ZNF83: variants seen among roughly 807,000 people sequenced by gnomAD.
ZNF83 encodes the protein zinc finger protein 83, also known as zinc finger protein 816B.
For synonymous variants in ZNF83, 209 were observed against 213.0 expected, an observed-to-expected ratio of 0.98 and a Z score of 0.17; for missense variants, 552 against 629.9, an observed-to-expected ratio of 0.88 and a Z score of 1.32.
At chr19:52,630,354 T>C (rs1259505266) in intron 2 of ZNF83, among the ~76,000 whole-genome samples, 1 of 152,186 alleles carries the variant, frequency 6.6e-6, no homozygotes, top group East Asian at 1.9e-4. Context: ...ATACGGAGGC[T>C]ACCCACTCCA....
intron 1 of ZNF83, among the ~76,000 whole-genome samples, chr19:52,684,905 A>G (rs1403223445): frequency 6.6e-6 from 1 of 152,070 alleles, no homozygotes; most frequent in Non-Finnish European, 1.5e-5. Context: ...CACAGTGAGG[A>G]GTTGGGCTTT....
At chr19:52,654,358 C>A in intron 3 of ZNF83, 1 of 1,299,434 alleles carries the variant, frequency 7.7e-7, no homozygotes, top group South Asian at 1.4e-5. Flanking sequence ...TCCTGTATTA[C>A]CGTGCCCTGT....
chr19:52,614,006 T>G (rs990843476), exon 3 of ZNF83: 3 of 1,613,356 alleles, frequency 1.9e-6, no homozygotes, highest in Middle Eastern at 1.7e-4. Flanking sequence ...GAAATTTGAT[T>G]AAAGACCTTG....
chr19:52,646,421 T>G (rs2061373191), intron 3 of ZNF83, among the ~76,000 whole-genome samples: 1 of 152,148 alleles, frequency 6.6e-6, no homozygotes, highest in South Asian at 2.1e-4. Flanking sequence ...TGGTGGCTCA[T>G]GCCTGTGGTC....
intron 2 of ZNF83, among the ~76,000 whole-genome samples, chr19:52,659,180 C>G (rs1056020095): frequency 1.3e-5 from 2 of 151,964 alleles, no homozygotes; most frequent in Admixed American, 6.6e-5. Flanking sequence ...ACAGACCCCC[C>G]ACAGTTCAAG....
At chr19:52,673,985 CA>C (rs1480107941) in intron 1 of ZNF83, among the ~76,000 whole-genome samples, 29 of 131,724 alleles carry the variant, frequency 2.2e-4, no homozygotes, top group Admixed American at 2.7e-4. Context: ...CACTGCCCTG[CA>C]GCCTGGGTAA....
chr19:52,638,899 G>A (rs917002342), upstream of ZNF83, among the ~76,000 whole-genome samples: 2 of 152,162 alleles, frequency 1.3e-5, no homozygotes, highest in African/African-American at 4.8e-5. Flanking sequence ...GCAGCGGCGG[G>A]AGGATCGCCG....
chr19:52,645,560 A>G (rs767299563), intron 3 of ZNF83, among the ~76,000 whole-genome samples: 6 of 152,132 alleles, frequency 3.9e-5, no homozygotes, highest in Non-Finnish European at 7.4e-5. Context: ...TAATCCCAGC[A>G]CTCTGGGAGG....
intron 2 of ZNF83, among the ~76,000 whole-genome samples, chr19:52,615,920 C>T (rs1241726517): frequency 1.3e-5 from 2 of 152,196 alleles, no homozygotes; most frequent in Non-Finnish European, 2.9e-5. Flanking sequence ...CTCGCTGCAA[C>T]CTCCGCCACA....
At chr19:52,661,265 A>G (rs1158020033) in intron 1 of ZNF83, among the ~76,000 whole-genome samples, 4 of 152,200 alleles carry the variant, frequency 2.6e-5, no homozygotes, top group Non-Finnish European at 5.9e-5. Flanking sequence ...CCACTGCACC[A>G]GAGATCATGC....
At chr19:52,680,762 G>C (rs532915056) in intron 1 of ZNF83, among the ~76,000 whole-genome samples, 1 of 143,802 alleles carries the variant, frequency 7.0e-6, no homozygotes, top group Non-Finnish European at 1.5e-5. Flanking sequence ...ACAGGCGCCC[G>C]CCACTACGCC....
chr19:52,636,953 CA>C (rs2061168524), intron 1 of ZNF83: 1 of 152,512 alleles, frequency 6.6e-6, no homozygotes, highest in Admixed American at 6.6e-5. Context: ...CCACTGCGCC[CA>C]GCCCATCTTT....
chr19:52,662,433 T>TG (rs1185634200), intron 1 of ZNF83, among the ~76,000 whole-genome samples: 3 of 152,068 alleles, frequency 2.0e-5, no homozygotes, highest in African/African-American at 7.2e-5. Context: ...GTAGGGAACA[T>TG]GGAGTCGTGT....
chr19:52,644,044 C>T (rs575737878), intron 3 of ZNF83, among the ~76,000 whole-genome samples: 22 of 152,188 alleles, frequency 1.4e-4, no homozygotes, highest in South Asian at 8.3e-4. Flanking sequence ...CTGGGGAACA[C>T]GGGAAGCTGG....
At chr19:52,633,971 T>C (rs1261291027) in intron 2 of ZNF83, among the ~76,000 whole-genome samples, 2 of 151,678 alleles carry the variant, frequency 1.3e-5, no homozygotes, top group Non-Finnish European at 2.9e-5. Context: ...AAATATATAT[T>C]CATTATTAAT....
intron 2 of ZNF83, among the ~76,000 whole-genome samples, chr19:52,659,852 A>C (rs1048105181): frequency 6.6e-6 from 1 of 152,184 alleles, no homozygotes; most frequent in Non-Finnish European, 1.5e-5. Context: ...AACAGCCAAA[A>C]GAAGAGCTAA....
intron 2 of ZNF83, among the ~76,000 whole-genome samples, chr19:52,623,950 T>C (rs2060641293): frequency 6.6e-6 from 1 of 152,114 alleles, no homozygotes; most frequent in Non-Finnish European, 1.5e-5. Context: ...AATACTGCCC[T>C]CCACAACTCA....
intron 2 of ZNF83, among the ~76,000 whole-genome samples, chr19:52,619,986 T>C (rs536675356): frequency 1.9e-4 from 29 of 152,236 alleles, no homozygotes; most frequent in Admixed American, 4.6e-4. Context: ...AGGGTACAGG[T>C]TGCAGTGAGC....
intron 1 of ZNF83, among the ~76,000 whole-genome samples, chr19:52,671,163 T>C (rs1368502971): frequency 6.6e-6 from 1 of 152,192 alleles, no homozygotes; most frequent in Non-Finnish European, 1.5e-5. Context: ...TGAGGTCAAA[T>C]ATTTTGACTT....
Sources: allele counts gnomAD v4.1 joint callset (sites outside exome capture counted in the v4.1 genomes callset), GRCh38; gene constraint gnomAD v4.1.1; transcripts MANE v1.5; gene names NCBI Gene and HGNC (gene_info 2026-07-23, HGNC 2026-07-21).